The following AXDND1 variants were observed in gnomAD, a reference collection of about 807,000 sequenced individuals.
AXDND1 encodes axonemal dynein light chain domain-containing protein 1.
A neutral mutation model predicts 137.5 loss-of-function variants in AXDND1; 110 were observed. That is an observed-to-expected ratio of 0.80 (90% confidence interval 0.69 to 0.94). AXDND1 has a LOEUF of 0.94. Among genes scored for constraint, AXDND1 ranks in the 40% least tolerant of loss-of-function variants. The pLI, the probability that AXDND1 is intolerant of heterozygous loss-of-function variation, is 0.00. For missense variants in AXDND1, 1,191 were observed against 1,169.8 expected, an observed-to-expected ratio of 1.02 and a Z score of -0.26; for synonymous variants, 414 against 399.7, an observed-to-expected ratio of 1.04 and a Z score of -0.43.
At chr1:179,541,672 CATAATAATATTGCATG>C (rs1402089123) in intron 25 of AXDND1, among the ~76,000 whole-genome samples, 6 of 135,604 alleles carry the variant, frequency 4.4e-5, no homozygotes, top group African/African-American at 1.5e-4. Context: ...TGATAATATG[CATAATAATATTGCATG>C]ATAATATGCA....
chr1:179,464,587 T>C (rs1321367951), intron 16 of AXDND1, among the ~76,000 whole-genome samples: 3 of 152,148 alleles, frequency 2.0e-5, no homozygotes, highest in Non-Finnish European at 2.9e-5. Flanking sequence ...CTGACAATTA[T>C]GTGTTTTGGA....
chr1:179,430,685 G>A, intron 14 of AXDND1, 79 bp downstream of exon 14: 1 of 1,439,258 alleles, frequency 6.9e-7, no homozygotes, highest in Non-Finnish European at 9.5e-7. Flanking sequence ...TCCTCCTTCT[G>A]TCTTTTACCT....
chr1:179,381,856 C>T (rs1008672564), intron 6 of AXDND1, among the ~76,000 whole-genome samples: 1 of 151,790 alleles, frequency 6.6e-6, no homozygotes, highest in Non-Finnish European at 1.5e-5. Flanking sequence ...TCTTGGCTCA[C>T]TGCAACCTCC....
chr1:179,409,804 ACT>A (rs757006033), intron 11 of AXDND1, among the ~76,000 whole-genome samples: 5 of 152,130 alleles, frequency 3.3e-5, no homozygotes, highest in Non-Finnish European at 7.3e-5. Flanking sequence ...CAAGAGCGAA[ACT>A]CTGTTTCAAA....
chr1:179,391,199 C>G (rs1380377662), intron 9 of AXDND1, among the ~76,000 whole-genome samples: 1 of 150,252 alleles, frequency 6.7e-6, no homozygotes, highest in Non-Finnish European at 1.5e-5. Context: ...TACTTTCTCT[C>G]TTGCATATTT....
intron 8 of AXDND1, 86 bp from the exon 9 acceptor site, chr1:179,385,152 T>A: frequency 8.8e-7 from 1 of 1,135,030 alleles, no homozygotes; most frequent in African/African-American, 1.6e-5. Flanking sequence ...TTTCTAAAAC[T>A]TATTTACATT....
intron 20 of AXDND1, among the ~76,000 whole-genome samples, chr1:179,497,846 G>A (rs1294633689): frequency 2.6e-5 from 4 of 152,096 alleles, no homozygotes; most frequent in Admixed American, 2.0e-4. Flanking sequence ...AAAAGCAATA[G>A]CATTTCTATA....
At chr1:179,439,034 G>T (rs1658612195) in intron 15 of AXDND1, among the ~76,000 whole-genome samples, 1 of 152,140 alleles carries the variant, frequency 6.6e-6, no homozygotes. Context: ...AGCATTAAAA[G>T]CTTGCTACCA....
rs538060981 is a variant in AXDND1, at chr1:179,421,993, T to C, written c.1231-7525T>C. ...AGGCAGAGGTTGCGGTGAGCCAAGA[T>C]TGTGCCATTGCACTCCAGCCTGGGC... On this transcript the variant is annotated intron_variant, in intron 12 of 25. Transcript: ENST00000367618. 8.0e-5 allele frequency among the ~76,000 whole-genome samples: 12 copies of C among 150,834 alleles called. 1 individual carries two copies. The South Asian group carries it at 2.3e-3, about 29-fold the overall frequency.
chr1:179,445,052 A>C lies in AXDND1; in HGVS notation c.1646A>C (p.Gln549Pro), dbSNP rs1459327798. 5 of 1,613,554 alleles carry C rather than the reference A, an allele frequency of 3.1e-6. No homozygotes were observed. The highest frequency in any genetic ancestry group is 4.2e-6 in the Non-Finnish European group (5 of 1,179,544). The change falls in exon 16 of 26, where the codon CAG (glutamine) becomes CCG (proline). Residue 549 changes from glutamine to proline, a missense_variant. Gln to Pro is a moderately conservative substitution (Grantham distance 76, BLOSUM62 -1). Coordinates refer to ENST00000367618, the MANE Select transcript of AXDND1 (RefSeq NM_144696.6). ...YDTLKIIKHL[Q>P]ENWADIGLGI... Reference sequence around the variant, plus strand: ...ACTCTCAAGATTATTAAACATTTACAGGAAAACTGGGCAGATATTGGGCTT... The same window carrying C: ...ACTCTCAAGATTATTAAACATTTACCGGAAAACTGGGCAGATATTGGGCTT...
Position 179,432,217 on chromosome 1 carries a change from G to A in AXDND1, c.1488-50G>A, listed in dbSNP as rs766556612. On this transcript the variant is annotated intron_variant, in intron 14 of 25. Transcript: ENST00000367618. ...CTTTAGTGTGTGAACTGATGATCTT[G>A]TTTATGTCTTGTTCTGAGATGTTTC... 22 of 1,479,700 alleles carry A rather than the reference G, an allele frequency of 1.5e-5. No individual in the cohort carries two copies. In the South Asian group the frequency reaches 2.9e-4, roughly 19 times the overall value. 91.7% of individuals were successfully genotyped at this position (1,479,700 alleles called of 1,614,324 possible).
chr1:179,404,753 AAAT>A (rs1652667912), intron 11 of AXDND1, among the ~76,000 whole-genome samples: 1 of 152,090 alleles, frequency 6.6e-6, no homozygotes, highest in Non-Finnish European at 1.5e-5. Flanking sequence ...TTTGATATCA[AAAT>A]AATGTTGGCT....
intron 2 of AXDND1, among the ~76,000 whole-genome samples, chr1:179,367,277 GGAGGCT>G (rs921052922): frequency 7.9e-5 from 12 of 152,216 alleles, no homozygotes; most frequent in African/African-American, 2.9e-4. Flanking sequence ...ATCCCATTTG[GGAGGCT>G]GAGGCTGGCG....
intron 21 of AXDND1, among the ~76,000 whole-genome samples, chr1:179,514,364 G>A (rs1451497354): frequency 6.6e-6 from 1 of 152,070 alleles, no homozygotes; most frequent in African/African-American, 2.4e-5. Context: ...TAACGTCCAT[G>A]TATTTGCATG....
intron 16 of AXDND1, among the ~76,000 whole-genome samples, chr1:179,459,841 C>T (rs1330929695): frequency 0.024 from 2,343 of 97,986 alleles, 85 homozygotes; most frequent in African/African-American, 0.099. Flanking sequence ...TCTTTTCTTT[C>T]CCTTCCTTCC....
chr1:179,457,282 G>A, intron 16 of AXDND1: 2 of 663,532 alleles, frequency 3.0e-6, no homozygotes, highest in East Asian at 5.2e-5. Context: ...AACCGTCCAA[G>A]GAAGAGCTTC....
chr1:179,459,443 T>A (rs1661897230), intron 16 of AXDND1, among the ~76,000 whole-genome samples: 1 of 152,194 alleles, frequency 6.6e-6, no homozygotes, highest in Admixed American at 6.5e-5. Flanking sequence ...TGAAAAAGTT[T>A]AAAATTGATT....
intron 21 of AXDND1, among the ~76,000 whole-genome samples, chr1:179,520,904 A>T (rs1247118751): frequency 6.8e-6 from 1 of 147,950 alleles, no homozygotes; most frequent in African/African-American, 2.5e-5. Context: ...TATATATATT[A>T]TATATATACA....
At chr1:179,492,038 G>A (rs1157768844) in intron 19 of AXDND1, among the ~76,000 whole-genome samples, 1 of 152,138 alleles carries the variant, frequency 6.6e-6, no homozygotes, top group Non-Finnish European at 1.5e-5. Flanking sequence ...TACTGGTGAG[G>A]GAGTGGATTT....
Sources: gnomAD v4.1 joint callset for allele counts (sites outside exome capture counted in the v4.1 genomes callset) on GRCh38, gnomAD v4.1.1 for gene constraint, MANE v1.5 for transcripts, NCBI Gene and HGNC (gene_info 2026-07-23, HGNC 2026-07-21) for gene names.